The following MCM3 variants were observed in gnomAD, a reference collection of about 807,000 sequenced individuals.
MCM3 encodes DNA replication licensing factor MCM3.
A neutral mutation model predicts 91.3 loss-of-function variants in MCM3; 59 were observed. The observed-to-expected ratio is 0.65, with a 90% CI of 0.52 to 0.80. MCM3 has a LOEUF of 0.80. Among genes scored for constraint, MCM3 ranks in the 30% least tolerant of loss-of-function variants. The pLI is 0.00. For synonymous variants in MCM3, 383 were observed against 379.6 expected, an observed-to-expected ratio of 1.01 and a Z score of -0.10; for missense variants, 919 against 1,035.4, an observed-to-expected ratio of 0.89 and a Z score of 1.54.
intron 2 of MCM3, 122 bp downstream of exon 2, chr6:52,283,172 C>A: frequency 1.3e-6 from 1 of 761,272 alleles, no homozygotes. Flanking sequence ...TGCAGGTGAG[C>A]TACGAGGGCT....
Position 52,283,421 on chromosome 6 carries a change from C to A in MCM3, c.79-15G>T. On this transcript the variant is annotated splice_polypyrimidine_tract_variant and intron_variant, in intron 1 of 16. Transcript: ENST00000596288. ...CCCTGGTCTTCCTGCAAAACAGCCA[C>A]CACATATCACCATAGCCACAAATTT... 1 of 1,514,238 alleles carries A rather than the reference C, an allele frequency of 6.6e-7. No individual in the cohort carries two copies. The allele number at this position is 1,514,238 out of a possible 1,614,324, so 93.8% of individuals were successfully genotyped here. A position where few individuals can be genotyped will look rare whatever the true frequency, so the allele number is the denominator to read the frequency against.
rs200787507 is a variant in MCM3, at chr6:52,282,712, C to T, written c.341G>A (p.Arg114Gln). The change falls in exon 3 of 17, where the codon CGG becomes CAG. Residue 114 changes from arginine to glutamine, a missense_variant. This residue lies in a region of MCM3 where 401 missense variants were observed against 402.7 expected (regional missense o/e 1.00). Coordinates refer to ENST00000596288, the MANE Select transcript of MCM3 (RefSeq NM_002388.6). ...GSFGSKHVSP[R>Q]TLTSCFLSCV... The stretch of plus-strand genomic sequence containing the variant: ...GCTGAGGAAGCAGGAGGTAAGAGTC[C>T]GCGGGGAGACGTGCTTGGAGCCAAA... 1.9e-6 allele frequency: 3 copies of T among 1,613,772 alleles called. No individual in the cohort carries two copies. Among genetic ancestry groups the T allele is most frequent in the South Asian group, 1.1e-5 (1 of 91,068 alleles).
intron 9 of MCM3, 198 bp downstream of exon 9, chr6:52,276,070 G>C: frequency 1.7e-6 from 1 of 579,526 alleles, no homozygotes; most frequent in South Asian, 2.2e-5. Context: ...TTTAAATAAG[G>C]AACTTTCCAG....
chr6:52,266,168 A>C, intron 15 of MCM3, 24 bp from the exon 16 acceptor site: 1 of 1,583,846 alleles, frequency 6.3e-7, no homozygotes, highest in Non-Finnish European at 8.7e-7. Flanking sequence ...ATGGTTGTAG[A>C]GATGGGGAAG....
chr6:52,281,676 T>TAA lies in MCM3; in HGVS notation c.531+367_531+368dup, dbSNP rs964868982. Among the ~76,000 whole-genome samples, 3 of 145,764 alleles carry TAA rather than the reference T, an allele frequency of 2.1e-5. No homozygotes were observed. The South Asian group carries it at 6.5e-4, about 32-fold the overall frequency. On this transcript the variant is annotated intron_variant, in intron 4 of 16. Coordinates refer to ENST00000596288, the MANE Select transcript of MCM3 (RefSeq NM_002388.6). Reference sequence around the variant, plus strand: ...GCCTGAGAGAGACAGATCCCGTCTCTAAAAAAAAAAATAAGAATTGTGAAG... The same window carrying TAA: ...GCCTGAGAGAGACAGATCCCGTCTCTAAAAAAAAAAAAATAAGAATTGTGAAG...
intron 15 of MCM3, 121 bp downstream of exon 15, chr6:52,266,490 T>C (rs1216566389): frequency 1.3e-5 from 11 of 879,596 alleles, no homozygotes; most frequent in Non-Finnish European, 2.0e-5. Flanking sequence ...CTCTTGGACA[T>C]AGGCCCCAAG....
chr6:52,274,889 T>G (rs186191141), intron 9 of MCM3, among the ~76,000 whole-genome samples: 42 of 152,240 alleles, frequency 2.8e-4, no homozygotes, highest in African/African-American at 1.0e-3. Context: ...TATTTCCCAA[T>G]CACTCTTGAG....
rs189560122 is a variant in MCM3, at chr6:52,264,031, G to T, written c.*557C>A. 1 of 157,666 alleles carries T rather than the reference G, an allele frequency of 6.3e-6. No individual in the cohort carries two copies. The highest frequency in any genetic ancestry group is 1.9e-4 in the East Asian group (1 of 5,310). The allele number at this position is 157,666 out of a possible 1,614,324, so 9.8% of individuals were successfully genotyped here. On this transcript the variant is annotated 3_prime_UTR_variant, in exon 17 of 17. Transcript: ENST00000596288. ...CTATTAAGACCATGTGTACGAAATG[G>T]CTAAGTTTATTCAACATCTCGGATA...
At chr6:52,264,832 A>C in intron 16 of MCM3, 46 bp from the exon 17 acceptor site, 5 of 1,535,574 alleles carry the variant, frequency 3.3e-6, no homozygotes, top group Non-Finnish European at 4.5e-6. Flanking sequence ...ACAAACCCAA[A>C]TGCTCTCAGG....
chr6:52,276,919 T>C, intron 8 of MCM3, 148 bp downstream of exon 8: 1 of 860,118 alleles, frequency 1.2e-6, no homozygotes, highest in South Asian at 1.9e-5. Context: ...ACTTAAATAA[T>C]TCACCCACCA....
intron 9 of MCM3, among the ~76,000 whole-genome samples, chr6:52,275,541 T>A (rs910572392): frequency 2.0e-5 from 3 of 152,214 alleles, no homozygotes; most frequent in Non-Finnish European, 4.4e-5. Flanking sequence ...AAAATGCACA[T>A]AACTCTTAAT....
At chr6:52,278,262 A>G (rs1340249600) in intron 6 of MCM3, among the ~76,000 whole-genome samples, 1 of 152,128 alleles carries the variant, frequency 6.6e-6, no homozygotes, top group Non-Finnish European at 1.5e-5. Context: ...AAGTATCCCC[A>G]GGTTCAAAAC....
chr6:52,282,572 A>G, intron 3 of MCM3, 81 bp downstream of exon 3: 4 of 1,350,542 alleles, frequency 3.0e-6, no homozygotes, highest in Non-Finnish European at 4.2e-6. Flanking sequence ...GCCACAAGCT[A>G]CCCAGATCTA....
At chr6:52,271,481 A>C (rs1260458120) in intron 12 of MCM3, among the ~76,000 whole-genome samples, 1 of 152,144 alleles carries the variant, frequency 6.6e-6, no homozygotes, top group Non-Finnish European at 1.5e-5. Context: ...GGTCTCTATT[A>C]AAAACACAAA....
At chr6:52,279,748 C>T (rs1765914248) in intron 4 of MCM3, 149 bp from the exon 5 acceptor site, 2 of 645,092 alleles carry the variant, frequency 3.1e-6, no homozygotes, top group South Asian at 2.0e-5. Flanking sequence ...TTTTGTGTTC[C>T]TGTCTGTTTT....
chr6:52,272,159 AT>A (rs1256822345), intron 12 of MCM3, 141 bp downstream of exon 12: 6 of 760,462 alleles, frequency 7.9e-6, no homozygotes, highest in Non-Finnish European at 1.2e-5. Flanking sequence ...AAAGGAAATG[AT>A]TAAAATTGTA....
At chr6:52,266,200 C>A in intron 15 of MCM3, 56 bp from the exon 16 acceptor site, 1 of 1,290,858 alleles carries the variant, frequency 7.7e-7, no homozygotes, top group Non-Finnish European at 1.1e-6. Context: ...GAAGCCATTT[C>A]CACAAACACT....
rs1562402019 is a variant in MCM3 at position 52,283,354 on chromosome 6, T to C, written c.131A>G (p.Gln44Arg). 1 of 1,614,228 alleles carries C rather than the reference T, an allele frequency of 6.2e-7. No homozygotes were observed. The highest frequency in any genetic ancestry group is 8.5e-7 in the Non-Finnish European group (1 of 1,180,038). Residue 44 changes from glutamine to arginine, a missense_variant, in exon 2 of 17, where the codon CAA becomes CGA. Coordinates refer to ENST00000596288, the MANE Select transcript of MCM3 (RefSeq NM_002388.6). ...SKVRELISDN[Q>R]YRLIVNVNDL... ...ATTCACATTGACAATCAGCCGGTAT[T>C]GGTTGTCACTGATCAGCTCCCGAAC...
Position 52,266,729 on chromosome 6 carries a change from G to A in MCM3, c.2073-33C>T, listed in dbSNP as rs762328060. On this transcript the variant is annotated intron_variant, in intron 14 of 16. Transcript: ENST00000596288. ...ACCCACAGCAGTTAAGAGAGAGAAA[G>A]AGTTTGGAGACAGAAAGGCAAGGAA... 1.9e-6 allele frequency: 3 copies of A among 1,566,774 alleles called. No individual in the cohort carries two copies. The Admixed American group carries it at 5.0e-5, about 26-fold the overall frequency.
Sources: allele counts gnomAD v4.1 joint callset (sites outside exome capture counted in the v4.1 genomes callset), GRCh38; gene constraint gnomAD v4.1.1; regional missense constraint gnomAD v4.1.1; transcripts MANE v1.5; gene names NCBI Gene and HGNC (gene_info 2026-07-23, HGNC 2026-07-21).